The following GNG7 variants were observed in gnomAD, a reference collection of about 807,000 sequenced individuals.
GNG7 encodes the protein guanine nucleotide-binding protein G(I)/G(S)/G(O) subunit gamma-7.
GNG7 carries 1 observed loss-of-function variant against 4.0 expected under a neutral mutation model. That is an observed-to-expected ratio of 0.25 (90% CI 0.09 to 1.18). GNG7 has a LOEUF of 1.18. Among genes scored for constraint, GNG7 ranks in the 50% most tolerant of loss-of-function variants. The pLI is 0.50. For synonymous variants in GNG7, 34 were observed against 36.9 expected (o/e 0.92, Z 0.29); for missense variants, 86 against 91.9 (o/e 0.94, Z 0.26).
At chr19:2,562,124 C>T (rs1165355973) in intron 2 of GNG7, among the ~76,000 whole-genome samples, 1 of 152,220 alleles carries the variant, frequency 6.6e-6, no homozygotes, top group African/African-American at 2.4e-5. Flanking sequence ...GCATTCACGC[C>T]CTCCACCCAC....
intron 2 of GNG7, among the ~76,000 whole-genome samples, chr19:2,639,491 G>A (rs1982423442): frequency 5.0e-5 from 1 of 20,162 alleles, no homozygotes; most frequent in Admixed American, 3.4e-4. Flanking sequence ...TGCCAGCTTG[G>A]CAAAGATTTC....
chr19:2,587,564 C>T (rs937485670), intron 2 of GNG7, among the ~76,000 whole-genome samples: 5 of 152,178 alleles, frequency 3.3e-5, no homozygotes, highest in African/African-American at 9.6e-5. Context: ...GGTACGCAGG[C>T]GGCCACCTTG....
intron 2 of GNG7, among the ~76,000 whole-genome samples, chr19:2,601,348 A>C (rs1412766710): frequency 6.6e-6 from 1 of 152,104 alleles, no homozygotes; most frequent in African/African-American, 2.4e-5. Context: ...CCACTATCTG[A>C]CCAGCCTCCA....
At chr19:2,575,657 G>A (rs1410592060) in intron 2 of GNG7, among the ~76,000 whole-genome samples, 1 of 110,168 alleles carries the variant, frequency 9.1e-6, no homozygotes, top group Non-Finnish European at 1.8e-5. Flanking sequence ...AGACACGCAG[G>A]CACACGCAGG....
At position 2,674,925 on chromosome 19, in the gene GNG7, C is replaced by T. The variant is rs1451036001; in HGVS notation, c.-135+27721G>A. On this transcript the variant is annotated intron_variant, in intron 1 of 4. Transcript: ENST00000382159. ...CTGTGCCATTGTACGTCACCAGAAA[C>T]GGACTCGGTTAGAAAACAATGCTCT... is the stretch of plus-strand genomic sequence containing the variant. Among the ~76,000 whole-genome samples the T allele has an allele frequency of 2.0e-5, 3 of 152,304 alleles. No individual in the cohort carries two copies. The East Asian group carries it at 5.8e-4, about 29-fold the overall frequency.
intron 2 of GNG7, among the ~76,000 whole-genome samples, chr19:2,602,653 C>G (rs1981236908): frequency 6.6e-6 from 1 of 152,266 alleles, no homozygotes; most frequent in Admixed American, 6.5e-5. Flanking sequence ...GTGCTACCTT[C>G]CGTGGTGTTC....
intron 1 of GNG7, among the ~76,000 whole-genome samples, chr19:2,688,721 C>T (rs771361991): frequency 1.4e-4 from 22 of 151,954 alleles, no homozygotes; most frequent in Non-Finnish European, 2.5e-4. Context: ...CAGGAAAGGA[C>T]ATTAGGGGAA....
chr19:2,574,126 T>C (rs546446060), intron 2 of GNG7, among the ~76,000 whole-genome samples: 98 of 152,254 alleles, frequency 6.4e-4, no homozygotes, highest in African/African-American at 2.2e-3. Context: ...AAACCCGCCC[T>C]GCCAGCCACC....
rs1015300957 is a variant in GNG7, at chr19:2,512,460, G to T, written c.*2562C>A. ...GGGGTCCGGGAGATGGTGGGGTCTG[G>T]ACAGCTCAGGGAACCCAAGGCCCTG... On this transcript the variant is annotated 3_prime_UTR_variant, in exon 5 of 5. Coordinates refer to ENST00000382159, the MANE Select transcript of GNG7 (RefSeq NM_052847.3). This position sits in a 1 kb window ranked among gnomAD's most constrained non-coding sequence, Gnocchi z 4.7. 33 of 735,044 alleles carry T rather than the reference G, an allele frequency of 4.5e-5. No individual in the cohort carries two copies. The highest frequency in any genetic ancestry group is 4.3e-4 in the South Asian group (7 of 16,406). 45.5% of individuals were successfully genotyped at this position (735,044 alleles called of 1,614,324 possible).
chr19:2,681,638 A>C (rs1197402159), intron 1 of GNG7, among the ~76,000 whole-genome samples: 5 of 152,100 alleles, frequency 3.3e-5, no homozygotes, highest in Admixed American at 2.6e-4. Context: ...CTAGGAGTCA[A>C]CTCACAGGGT....
At chr19:2,532,394 A>G (rs955845604) in intron 3 of GNG7, among the ~76,000 whole-genome samples, 1 of 152,226 alleles carries the variant, frequency 6.6e-6, no homozygotes, top group African/African-American at 2.4e-5. Flanking sequence ...AAATTAGTGA[A>G]CTGGAAGACA....
At chr19:2,590,588 TCCAC>T (rs1188704060) in intron 2 of GNG7, among the ~76,000 whole-genome samples, 9 of 120,910 alleles carry the variant, frequency 7.4e-5, no homozygotes, top group African/African-American at 2.1e-4. Context: ...CATCCATCCA[TCCAC>T]CCACCCACCC....
chr19:2,552,960 G>A (rs1039054950), intron 3 of GNG7, among the ~76,000 whole-genome samples: 17 of 149,938 alleles, frequency 1.1e-4, no homozygotes, highest in Non-Finnish European at 2.4e-4. Context: ...AAGGAAGAAC[G>A]AAGGCAGCCC....
At chr19:2,610,348 AT>A (rs56349841) in intron 2 of GNG7, 71,009 of 143,128 alleles carry the variant, frequency 0.5, 17,695 homozygotes, top group Middle Eastern at 0.66. Flanking sequence ...ATTTTTATTT[AT>A]TTATTATTAC....
At chr19:2,563,380 C>T (rs565085626) in intron 2 of GNG7, among the ~76,000 whole-genome samples, 54 of 152,336 alleles carry the variant, frequency 3.5e-4, no homozygotes, top group African/African-American at 1.3e-3. Context: ...TCCACCCACT[C>T]CATGCTGGGA....
chr19:2,593,947 T>A (rs62123681), intron 2 of GNG7, among the ~76,000 whole-genome samples: 1 of 102,524 alleles, frequency 9.8e-6, no homozygotes, highest in African/African-American at 3.5e-5. Context: ...AAAAAAACTT[T>A]CTTACCTCAT....
intron 2 of GNG7, among the ~76,000 whole-genome samples, chr19:2,585,329 G>A (rs1489070586): frequency 1.3e-5 from 2 of 151,856 alleles, no homozygotes; most frequent in East Asian, 1.9e-4. Context: ...CTATCTTTCT[G>A]CGTATATATA....
intron 2 of GNG7, chr19:2,632,442 A>C (rs1982184097): frequency 6.6e-6 from 1 of 151,632 alleles, no homozygotes; most frequent in South Asian, 2.1e-4. Context: ...AAAAAAAAAA[A>C]ACAAAAAAAC....
Position 2,511,936 on chromosome 19 carries a change from G to C in GNG7, c.*3086C>G, listed in dbSNP as rs1032732521. The C allele has an allele frequency of 6.1e-6, 6 of 986,110 alleles. No individual in the cohort carries two copies. The African/African-American group carries it at 1.0e-4, about 17-fold the overall frequency. 61.1% of individuals were successfully genotyped at this position (986,110 alleles called of 1,614,324 possible). On this transcript the variant is annotated 3_prime_UTR_variant, in exon 5 of 5. Transcript: ENST00000382159. The surrounding 1 kb of genome is among the most constrained non-coding windows in gnomAD (Gnocchi z 6.3). ...GGAGCTGGTCCGGGAAGGTGCCCAGGTGGGTCACAACAGGGTCGGGGCCTG... is the reference window on the plus strand; with the variant it reads ...GGAGCTGGTCCGGGAAGGTGCCCAGCTGGGTCACAACAGGGTCGGGGCCTG...
Sources: allele counts gnomAD v4.1 joint callset (sites outside exome capture counted in the v4.1 genomes callset), GRCh38; gene constraint gnomAD v4.1.1; non-coding constraint Gnocchi (gnomAD v3.1); transcripts MANE v1.5; gene names NCBI Gene and HGNC (gene_info 2026-07-23, HGNC 2026-07-21).